USH2A: variants seen among roughly 807,000 people sequenced by gnomAD.
The protein encoded by USH2A is usherin, also known as Usher syndrome 2A (autosomal recessive, mild).
In USH2A, 443 loss-of-function variants were observed where a neutral mutation model predicts 538.9. The observed-to-expected ratio is 0.82, with a 90% confidence interval of 0.76 to 0.89. The LOEUF is 0.89. Among genes scored for constraint, USH2A ranks in the 40% least tolerant of loss-of-function variants. The pLI, the probability that USH2A is intolerant of heterozygous loss-of-function variation, is 0.00. For missense variants in USH2A, 6,633 were observed against 6,324.8 expected (o/e 1.05, Z -1.65); for synonymous variants, 2,413 against 2,273.5 (o/e 1.06, Z -1.75).
chr1:216,252,125 A>AT (rs2036174887), intron 11 of USH2A, among the ~76,000 whole-genome samples: 1 of 152,266 alleles, frequency 6.6e-6, no homozygotes, highest in Non-Finnish European at 1.5e-5. Context: ...TTTGAAAAGA[A>AT]TGCAAATACA....
intron 40 of USH2A, among the ~76,000 whole-genome samples, chr1:215,898,098 C>T (rs536627195): frequency 9.2e-5 from 14 of 152,328 alleles, no homozygotes; most frequent in Admixed American, 5.2e-4. Context: ...GTACACATGG[C>T]CTCCTTCCAG....
intron 40 of USH2A, among the ~76,000 whole-genome samples, chr1:215,894,912 A>AT (rs1665291183): frequency 6.6e-6 from 1 of 152,106 alleles, no homozygotes; most frequent in Admixed American, 6.5e-5. Context: ...TTGAACTTTG[A>AT]TATTAAAGTG....
At chr1:215,852,512 G>C (rs1664044402) in intron 44 of USH2A, among the ~76,000 whole-genome samples, 1 of 152,096 alleles carries the variant, frequency 6.6e-6, no homozygotes, top group South Asian at 2.1e-4. Context: ...TTCAAAGCCA[G>C]TCATGCCTTC....
At chr1:216,417,055 T>C (rs2039588672) in intron 3 of USH2A, among the ~76,000 whole-genome samples, 3 of 152,056 alleles carry the variant, frequency 2.0e-5, no homozygotes, top group African/African-American at 7.2e-5. Context: ...AGAATAAGCA[T>C]TGAGAATCAG....
intron 13 of USH2A, among the ~76,000 whole-genome samples, chr1:216,238,782 T>C (rs2035877991): frequency 6.6e-6 from 1 of 152,200 alleles, no homozygotes; most frequent in Non-Finnish European, 1.5e-5. Flanking sequence ...TGCAGTCATC[T>C]ACTATGGGTC....
At chr1:216,098,515 T>G (rs532117429) in intron 21 of USH2A, among the ~76,000 whole-genome samples, 4 of 152,270 alleles carry the variant, frequency 2.6e-5, no homozygotes, top group South Asian at 4.1e-4. Context: ...GGGTGGTGGT[T>G]AACTCAGTTT....
At chr1:216,192,574 C>T (rs1323488760) in intron 19 of USH2A, among the ~76,000 whole-genome samples, 2 of 151,788 alleles carry the variant, frequency 1.3e-5, no homozygotes, top group East Asian at 1.9e-4. Context: ...TAGTGGCACA[C>T]ACCTGTAGTC....
chr1:216,278,646 A>G (rs1366222275), intron 11 of USH2A, among the ~76,000 whole-genome samples: 2 of 152,286 alleles, frequency 1.3e-5, no homozygotes, highest in East Asian at 1.9e-4. Flanking sequence ...TATACATCCA[A>G]TATCCATGGA....
In USH2A at chr1:215,727,914, AG is replaced by A. The variant is rs1277255880; in HGVS notation, c.12066+115del. ...TACATTGCAACTTTTCACAAGTGAA[AG>A]ATTTTCATATATTTAAGCCCTAAGT... is the stretch of plus-strand genomic sequence containing the variant. On this transcript the variant is annotated intron_variant, in intron 61 of 71. Coordinates refer to ENST00000307340, the MANE Select transcript of USH2A (RefSeq NM_206933.4). 1.1e-5 allele frequency: 14 copies of A among 1,253,990 alleles called. No individual in the cohort carries two copies. In the East Asian group the frequency reaches 3.3e-4, roughly 30 times the overall value. The allele number at this position is 1,253,990 out of a possible 1,614,324, so 77.7% of individuals were successfully genotyped here. A position where few individuals can be genotyped will look rare whatever the true frequency, so the allele number is the denominator to read the frequency against.
At chr1:215,774,364 T>C (rs1482541025) in intron 55 of USH2A, among the ~76,000 whole-genome samples, 8 of 151,782 alleles carry the variant, frequency 5.3e-5, no homozygotes, top group African/African-American at 1.9e-4. Flanking sequence ...TCTTTAGATA[T>C]ACATCAGCAT....
In USH2A at chr1:216,298,041, C is replaced by T. The variant is rs151123617; in HGVS notation, c.1645-5671G>A. Among the ~76,000 whole-genome samples the T allele has an allele frequency of 4.1e-3, 631 of 152,292 alleles. 4 individuals carry two copies. The highest frequency in any genetic ancestry group is 0.014 in the Middle Eastern group (4 of 294). ...TTAAAAACCCTATTCCATCGTAAAACTTTTGCCAAAGGCAAAATTTTGCTG... is the reference window on the plus strand; with the variant it reads ...TTAAAAACCCTATTCCATCGTAAAATTTTTGCCAAAGGCAAAATTTTGCTG... On this transcript the variant is annotated intron_variant, in intron 9 of 71. Transcript: ENST00000307340.
intron 36 of USH2A, among the ~76,000 whole-genome samples, chr1:215,965,923 TCACACACACACACA>T (rs34484768): frequency 1.2e-4 from 17 of 142,468 alleles, no homozygotes; most frequent in East Asian, 2.1e-4. Context: ...CTCTTCTCTG[TCACACACACACACA>T]CACACACACA....
intron 47 of USH2A, among the ~76,000 whole-genome samples, chr1:215,830,187 T>C (rs548051115): frequency 6.6e-6 from 1 of 152,256 alleles, no homozygotes; most frequent in Non-Finnish European, 1.5e-5. Flanking sequence ...AGCAAAATCC[T>C]AGAGAAAGTA....
chr1:216,371,410 T>C (rs1386112542), intron 3 of USH2A, among the ~76,000 whole-genome samples: 2 of 152,222 alleles, frequency 1.3e-5, no homozygotes, highest in African/African-American at 4.8e-5. Context: ...TACAGGATTG[T>C]CACCTTAATA....
At chr1:216,405,252 A>C (rs544421712) in intron 3 of USH2A, among the ~76,000 whole-genome samples, 3 of 152,214 alleles carry the variant, frequency 2.0e-5, no homozygotes, top group Non-Finnish European at 2.9e-5. Context: ...TAGACTTGAC[A>C]TGGAAAACAC....
Position 216,116,811 on chromosome 1 carries a change from A to C in USH2A, c.4628-19598T>G, listed in dbSNP as rs1423597352. Among the ~76,000 whole-genome samples, 7 of 152,048 alleles carry C rather than the reference A, an allele frequency of 4.6e-5. No homozygotes were observed. In the East Asian group the frequency reaches 9.7e-4, roughly 21 times the overall value. ...AATAACAAAATGAAGGTGCTGGCTA[A>C]TCTAACATTATGACAGAAGGAAAAA... is the stretch of plus-strand genomic sequence containing the variant. On this transcript the variant is annotated intron_variant, in intron 21 of 71. Transcript: ENST00000307340.
chr1:215,760,882 T>C (rs1338408099), intron 56 of USH2A, among the ~76,000 whole-genome samples: 1 of 152,220 alleles, frequency 6.6e-6, no homozygotes, highest in Non-Finnish European at 1.5e-5. Context: ...TGGCCTTCCA[T>C]ATTCCATTGG....
At chr1:215,642,596 T>C (rs1005436353) in intron 67 of USH2A, among the ~76,000 whole-genome samples, 2 of 152,166 alleles carry the variant, frequency 1.3e-5, no homozygotes, top group African/African-American at 4.8e-5. Context: ...AAAACAAAGC[T>C]TATAAATACT....
At position 215,626,313 on chromosome 1, in the gene USH2A, G is replaced by A. The variant is rs1558026702; in HGVS notation, c.15520-443C>T. ...GTATATATACACTATATATATATAT[G>A]TATGTATGTATGTATGTATATAGTA... On this transcript the variant is annotated intron_variant, in intron 71 of 71. Transcript: ENST00000307340. Among the ~76,000 whole-genome samples the A allele has an allele frequency of 4.1e-5, 6 of 147,480 alleles. No homozygotes were observed. The South Asian group carries it at 9.3e-4, about 23-fold the overall frequency.
Sources: allele counts gnomAD v4.1 joint callset (sites outside exome capture counted in the v4.1 genomes callset), GRCh38; gene constraint gnomAD v4.1.1; transcripts MANE v1.5; gene names NCBI Gene and HGNC (gene_info 2026-07-23, HGNC 2026-07-21).